The following EIF3H variants were observed in gnomAD, a reference collection of about 807,000 sequenced individuals.
EIF3H encodes the protein eukaryotic translation initiation factor 3 subunit H, also known as eIF-3-gamma.
Under a neutral mutation model 44.2 loss-of-function variants are expected in EIF3H, and 26 were observed. The observed-to-expected ratio is 0.59, with a 90% CI of 0.43 to 0.82. EIF3H has a LOEUF of 0.82. EIF3H is among the 40% of genes least tolerant of loss of function. The pLI is 0.00. For synonymous variants in EIF3H, 166 were observed against 151.9 expected (o/e 1.09, Z -0.68); for missense variants, 359 against 432.8 (o/e 0.83, Z 1.51).
intron 1 of EIF3H, among the ~76,000 whole-genome samples, chr8:116,752,726 A>AAGAAG (rs1815369548): frequency 2.4e-5 from 3 of 123,708 alleles, no homozygotes; most frequent in Non-Finnish European, 3.6e-5. Flanking sequence ...GAAAGAAAGA[A>AAGAAG]AGAAAGAAGA....
At chr8:116,707,836 C>A (rs1308422718) in intron 2 of EIF3H, among the ~76,000 whole-genome samples, 7 of 152,126 alleles carry the variant, frequency 4.6e-5, no homozygotes, top group Non-Finnish European at 1.0e-4. Flanking sequence ...CATAATCTGA[C>A]CCTATTATTA....
At chr8:116,653,884 C>A (rs527842784) in intron 5 of EIF3H, among the ~76,000 whole-genome samples, 1 of 152,236 alleles carries the variant, frequency 6.6e-6, no homozygotes, top group Non-Finnish European at 1.5e-5. Flanking sequence ...TCAGGCACAT[C>A]AAAGAAACTG....
chr8:116,653,710 G>A (rs979477662), intron 5 of EIF3H, among the ~76,000 whole-genome samples: 6 of 152,118 alleles, frequency 3.9e-5, no homozygotes, highest in Non-Finnish European at 5.9e-5. Flanking sequence ...TTTTACATGT[G>A]TGAAAAGCTG....
In EIF3H at chr8:116,657,232, C is replaced by T; in HGVS notation, c.540G>A (p.Lys180=). 1 of 1,613,524 alleles carries T rather than the reference C, an allele frequency of 6.2e-7. No individual in the cohort carries two copies. The highest frequency in any genetic ancestry group is 1.1e-5 in the South Asian group (1 of 91,068). Residue 180 remains lysine (K), a synonymous_variant, in exon 4 of 8, where the codon AAG becomes AAA. Transcript: ENST00000521861. The stretch of plus-strand genomic sequence containing the variant: ...ACACTTACGCTTCAGGGGAAAAATC[C>T]TTTTCTTTACAAACTTCCATCAGTT... ...TPKLMEVCKE[K]DFSPEALKKA...
chr8:116,657,610 A>T, intron 3 of EIF3H: 1 of 364,882 alleles, frequency 2.7e-6, no homozygotes, highest in Non-Finnish European at 5.0e-6. Context: ...CCTTGCTGAA[A>T]ATTAAATGTA....
At chr8:116,700,880 C>T (rs1222721202) in intron 2 of EIF3H, among the ~76,000 whole-genome samples, 1 of 152,112 alleles carries the variant, frequency 6.6e-6, no homozygotes, top group Non-Finnish European at 1.5e-5. Flanking sequence ...AAATTATATG[C>T]TTTCCCAAGT....
intron 1 of EIF3H, among the ~76,000 whole-genome samples, chr8:116,735,556 C>G (rs1275314142): frequency 6.6e-6 from 1 of 152,164 alleles, no homozygotes; most frequent in Non-Finnish European, 1.5e-5. Context: ...TTGAGTATCC[C>G]TTATCCAAAA....
intron 2 of EIF3H, among the ~76,000 whole-genome samples, chr8:116,671,777 A>G (rs1813760413): frequency 1.3e-5 from 2 of 152,228 alleles, no homozygotes; most frequent in African/African-American, 4.8e-5. Flanking sequence ...AGTTCTCCAC[A>G]CCTTTAAATT....
At chr8:116,674,740 T>A (rs1232091163) in intron 2 of EIF3H, among the ~76,000 whole-genome samples, 1 of 152,176 alleles carries the variant, frequency 6.6e-6, no homozygotes, top group Non-Finnish European at 1.5e-5. Flanking sequence ...ATAATTACTA[T>A]ACTTTCTCTC....
At position 116,755,799 on chromosome 8, in the gene EIF3H, T is replaced by C. The variant is rs965016077; in HGVS notation, c.-2A>G. On this transcript the variant is annotated 5_prime_UTR_variant, in exon 1 of 8. Coordinates refer to ENST00000521861, the MANE Select transcript of EIF3H (RefSeq NM_003756.3). ...GGTACCTTCCTTGCGGGACGCCATC[T>C]TTCCAAGCAGACAGGAAGAAAGAGA... 6.2e-7 allele frequency: 1 copy of C among 1,613,244 alleles called. No individual in the cohort carries two copies. The highest frequency in any genetic ancestry group is 1.1e-5 in the South Asian group (1 of 91,078).
intron 2 of EIF3H, among the ~76,000 whole-genome samples, chr8:116,673,683 G>C (rs989596488): frequency 1.7e-4 from 26 of 152,274 alleles, no homozygotes; most frequent in African/African-American, 6.0e-4. Context: ...TAACTTCGAA[G>C]ATTCATGCAA....
At chr8:116,755,936 T>C (rs1482443525), upstream of EIF3H, 3 of 1,538,064 alleles carry the variant, frequency 2.0e-6, no homozygotes, top group East Asian at 7.3e-5. Flanking sequence ...GCCTCCCTCC[T>C]GTTTTCCAGT....
intron 2 of EIF3H, among the ~76,000 whole-genome samples, chr8:116,670,571 G>T (rs1325467754): frequency 3.9e-5 from 6 of 152,206 alleles, no homozygotes; most frequent in Non-Finnish European, 8.8e-5. Context: ...ACTTTCCAGG[G>T]TGGAGAAAGA....
chr8:116,683,016 T>C (rs1814015811), intron 2 of EIF3H, among the ~76,000 whole-genome samples: 1 of 152,204 alleles, frequency 6.6e-6, no homozygotes, highest in African/African-American at 2.4e-5. Context: ...AATAACATTT[T>C]ACAGATGGCA....
chr8:116,689,916 A>G lies in EIF3H; in HGVS notation c.290-30936T>C, dbSNP rs971190177. On this transcript the variant is annotated intron_variant, in intron 2 of 7. Coordinates refer to ENST00000521861, the MANE Select transcript of EIF3H (RefSeq NM_003756.3). ...GTATATATCATATGAACACAACCCAAAAGATGCAAGAGGTTTGAGAGCTGG... is the reference window on the plus strand; with the variant it reads ...GTATATATCATATGAACACAACCCAGAAGATGCAAGAGGTTTGAGAGCTGG... Among the ~76,000 whole-genome samples, 2 of 152,218 alleles carry G rather than the reference A, an allele frequency of 1.3e-5. 1 individual carries two copies. Among genetic ancestry groups the G allele is most frequent in the African/African-American group, 4.8e-5 (2 of 41,464 alleles).
intron 2 of EIF3H, among the ~76,000 whole-genome samples, chr8:116,702,158 T>A (rs1814388518): frequency 6.6e-6 from 1 of 152,162 alleles, no homozygotes; most frequent in Non-Finnish European, 1.5e-5. Context: ...GGGAAGGAGT[T>A]GATCAGCTGG....
intron 1 of EIF3H, among the ~76,000 whole-genome samples, chr8:116,763,202 G>A (rs184045732): frequency 6.6e-6 from 1 of 152,090 alleles, no homozygotes; most frequent in Non-Finnish European, 1.5e-5. Flanking sequence ...AGGATTGTTA[G>A]GTGAGAAAAG....
chr8:116,706,375 C>G (rs1329897736), intron 2 of EIF3H, among the ~76,000 whole-genome samples: 1 of 152,196 alleles, frequency 6.6e-6, no homozygotes, highest in Non-Finnish European at 1.5e-5. Context: ...TCGTCTGTCT[C>G]TCTTCACACA....
chr8:116,718,078 G>A (rs751524936), intron 2 of EIF3H, among the ~76,000 whole-genome samples: 1 of 151,814 alleles, frequency 6.6e-6, no homozygotes, highest in Non-Finnish European at 1.5e-5. Flanking sequence ...AGTGGGCTAA[G>A]GACATGAAAG....
Sources: allele counts gnomAD v4.1 joint callset (sites outside exome capture counted in the v4.1 genomes callset), GRCh38; gene constraint gnomAD v4.1.1; transcripts MANE v1.5; gene names NCBI Gene and HGNC (gene_info 2026-07-23, HGNC 2026-07-21).